The following ABCC9 variants were observed in gnomAD, a reference collection of about 807,000 sequenced individuals.
The protein encoded by ABCC9 is ATP binding cassette subfamily C member 9.
A neutral mutation model predicts 188.3 loss-of-function variants in ABCC9; 95 were observed. The observed-to-expected ratio is 0.50, with a 90% CI of 0.43 to 0.60. The LOEUF is 0.60. Ranked by LOEUF, ABCC9 falls within the 20% of genes least tolerant of loss-of-function variation. The pLI is 0.00. For missense variants in ABCC9, 1,102 were observed against 1,876.3 expected (o/e 0.59, Z 7.62); for synonymous variants, 659 against 652.7 (o/e 1.01, Z -0.15).
intron 39 of ABCC9, 91 bp downstream of exon 39, chr12:21,805,907 C>A: frequency 8.4e-7 from 1 of 1,184,848 alleles, no homozygotes; most frequent in Non-Finnish European, 1.3e-6. Context: ...ATACATAATT[C>A]AACACAAGTA....
At chr12:21,897,863 C>CA (rs5796935) in intron 12 of ABCC9, among the ~76,000 whole-genome samples, 151,803 of 152,242 alleles carry the variant, frequency 1, 75,686 homozygotes, top group Middle Eastern at 1. Flanking sequence ...GTATTTGACT[C>CA]AATACCAACA....
intron 16 of ABCC9, among the ~76,000 whole-genome samples, chr12:21,881,151 G>A (rs1346753623): frequency 6.6e-6 from 1 of 151,968 alleles, no homozygotes; most frequent in Admixed American, 6.6e-5. Context: ...ATTGCCACAG[G>A]GTGGCAATTA....
At position 21,799,569 on chromosome 12, in the gene ABCC9, A is replaced by G. The variant is rs1941336570; in HGVS notation, c.*1475T>C. The G allele has an allele frequency of 6.6e-6, 1 of 152,180 alleles. No homozygotes were observed. The highest frequency in any genetic ancestry group is 1.5e-5 in the Non-Finnish European group (1 of 68,018). The allele number at this position is 152,180 out of a possible 1,614,324, so 9.4% of individuals were successfully genotyped here. On this transcript the variant is annotated 3_prime_UTR_variant, in exon 40 of 40. Coordinates refer to ENST00000261200, the MANE Select transcript of ABCC9 (RefSeq NM_020297.4). ...CATTTTTGTCCATCTTGTGGAACTT[A>G]TTTTTTTGTAAATATAAAGATTAAA...
Position 21,925,979 on chromosome 12 carries a change from A to C in ABCC9, c.369T>G (p.His123Gln). 1 of 1,613,316 alleles carries C rather than the reference A, an allele frequency of 6.2e-7. No individual in the cohort carries two copies. The highest frequency in any genetic ancestry group is 8.5e-7 in the Non-Finnish European group (1 of 1,179,204). The change falls in exon 5 of 40, where the codon CAT (histidine) becomes CAG (glutamine). Residue 123 changes from histidine (H) to glutamine (Q), a missense_variant. Transcript: ENST00000261200. ...VATTTSIVYYHNIETSNFPKL... is the reference protein window; with the variant it reads ...VATTTSIVYYQNIETSNFPKL... Reference sequence around the variant, plus strand: ...TAGGAAAATTTGATGTTTCGATATTATGATAATACACTATCGATGTTGTAG... The same window carrying C: ...TAGGAAAATTTGATGTTTCGATATTCTGATAATACACTATCGATGTTGTAG...
intron 12 of ABCC9, among the ~76,000 whole-genome samples, chr12:21,899,084 C>A (rs1375704916): frequency 6.6e-6 from 1 of 152,112 alleles, no homozygotes; most frequent in Non-Finnish European, 1.5e-5. Context: ...TATCTCACTG[C>A]CAGTACTCAT....
intron 31 of ABCC9, among the ~76,000 whole-genome samples, chr12:21,820,675 A>G (rs1346154208): frequency 6.6e-6 from 1 of 151,988 alleles, no homozygotes; most frequent in Non-Finnish European, 1.5e-5. Context: ...TTGGGAATAC[A>G]TCAACTTTGT....
At chr12:21,887,113 G>GC (rs5796929) in intron 15 of ABCC9, among the ~76,000 whole-genome samples, 16,977 of 152,004 alleles carry the variant, frequency 0.11, 1,272 homozygotes, top group East Asian at 0.3. Flanking sequence ...CTAAGTCTTG[G>GC]CACAAAGCAC....
chr12:21,926,711 A>G (rs1565492283), intron 4 of ABCC9, among the ~76,000 whole-genome samples: 2 of 152,216 alleles, frequency 1.3e-5, no homozygotes, highest in Admixed American at 6.5e-5. Flanking sequence ...AGAATCAGGA[A>G]TGGCTACTCA....
Position 21,812,092 on chromosome 12 carries a change from A to G in ABCC9, c.4168T>C (p.Ser1390Pro), listed in dbSNP as rs764871989. Residue 1390 changes from serine (S) to proline (P), a missense_variant, in exon 36 of 40, where the codon TCA becomes CCA. Ser to Pro is a moderately conservative substitution (Grantham distance 74). Around this residue, in one of 12 missense-constraint regions of ABCC9, gnomAD observed 67 missense variants for 101.0 expected, o/e 0.66. Transcript: ENST00000261200. ...LPLHTLRSRLSIILQDPILFS... is the reference protein window; with the variant it reads ...LPLHTLRSRLPIILQDPILFS... ...AGTATTGGATCCTGCAGAATGATTG[A>G]AAGTCTAGAACGTAGTGTGTGCAGT... 6.2e-7 allele frequency: 1 copy of G among 1,613,278 alleles called. No individual in the cohort carries two copies. Among genetic ancestry groups the G allele is most frequent in the Non-Finnish European group, 8.5e-7 (1 of 1,179,366 alleles).
intron 12 of ABCC9, among the ~76,000 whole-genome samples, chr12:21,900,686 G>C (rs1014504980): frequency 6.6e-6 from 1 of 152,198 alleles, no homozygotes; most frequent in African/African-American, 2.4e-5. Context: ...TAGCTGATTT[G>C]ATCAACTGGA....
intron 27 of ABCC9, 66 bp from the exon 28 acceptor site, chr12:21,844,618 G>T: frequency 6.4e-7 from 1 of 1,552,280 alleles, no homozygotes; most frequent in Non-Finnish European, 8.9e-7. Flanking sequence ...CATTGCTAAT[G>T]GGCATCTTAG....
chr12:21,842,187 G>C, intron 29 of ABCC9, 127 bp downstream of exon 29: 1 of 1,176,364 alleles, frequency 8.5e-7, no homozygotes, highest in Non-Finnish European at 1.2e-6. Context: ...TTCAAGTTTT[G>C]TGTTTTGGAA....
intron 28 of ABCC9, among the ~76,000 whole-genome samples, chr12:21,844,186 T>C (rs927259596): frequency 1.3e-5 from 2 of 152,222 alleles, no homozygotes; most frequent in Non-Finnish European, 2.9e-5. Flanking sequence ...AATGCTGATA[T>C]GACTTTAATC....
chr12:21,910,861 T>C lies in ABCC9; in HGVS notation c.1129A>G (p.Ile377Val), dbSNP rs567016348. 3.6e-5 allele frequency: 58 copies of C among 1,612,366 alleles called. No individual in the cohort carries two copies. The highest frequency in any genetic ancestry group is 6.7e-5 in the East Asian group (3 of 44,836). ...TFLQASYYVTIETGINLRGAL... is the reference protein window; with the variant it reads ...TFLQASYYVTVETGINLRGAL... Reference sequence around the variant, plus strand: ...CCACGGAGGTTAATGCCAGTCTCTATGGTTACATAGTAGGAAGCCTGCAAA... The same window carrying C: ...CCACGGAGGTTAATGCCAGTCTCTACGGTTACATAGTAGGAAGCCTGCAAA... The change falls in exon 9 of 40, where the codon ATA (isoleucine) becomes GTA (valine). Residue 377 changes from isoleucine to valine, a missense_variant. Coordinates refer to ENST00000261200, the MANE Select transcript of ABCC9 (RefSeq NM_020297.4).
chr12:21,812,265 A>G, intron 35 of ABCC9, 108 bp from the exon 36 acceptor site: 1 of 819,274 alleles, frequency 1.2e-6, no homozygotes, highest in East Asian at 2.6e-5. Flanking sequence ...AATTCAGGAG[A>G]CCCACTTTTC....
intron 33 of ABCC9, among the ~76,000 whole-genome samples, chr12:21,816,797 A>G (rs1478904235): frequency 6.6e-6 from 1 of 152,176 alleles, no homozygotes; most frequent in African/African-American, 2.4e-5. Flanking sequence ...CTCAGTATTG[A>G]ATTTCCTGAC....
intron 22 of ABCC9, among the ~76,000 whole-genome samples, chr12:21,856,772 C>T (rs1245408223): frequency 6.6e-6 from 1 of 151,902 alleles, no homozygotes; most frequent in Non-Finnish European, 1.5e-5. Context: ...GAAAGGATAA[C>T]AGGGAGTGAG....
At chr12:21,807,601 G>T in intron 37 of ABCC9, 122 bp from the exon 38 acceptor site, 1 of 1,339,942 alleles carries the variant, frequency 7.5e-7, no homozygotes, top group South Asian at 1.2e-5. Flanking sequence ...TAGTGCTGGT[G>T]CAAGGACTTC....
At chr12:21,894,607 T>C (rs1284472024) in intron 13 of ABCC9, among the ~76,000 whole-genome samples, 3 of 23,332 alleles carry the variant, frequency 1.3e-4, no homozygotes, top group African/African-American at 5.5e-4. Flanking sequence ...AAAGAAGACT[T>C]ACTTCCATTT....
Sources: gnomAD v4.1 joint callset for allele counts (sites outside exome capture counted in the v4.1 genomes callset) on GRCh38, gnomAD v4.1.1 for gene constraint, gnomAD v4.1.1 regional missense constraint, MANE v1.5 for transcripts, NCBI Gene and HGNC (gene_info 2026-07-23, HGNC 2026-07-21) for gene names.